CACNA2D2: variants seen among roughly 807,000 people sequenced by gnomAD.
CACNA2D2 encodes voltage-dependent calcium channel subunit alpha-2/delta-2.
A neutral mutation model predicts 166.4 loss-of-function variants in CACNA2D2; 48 were observed. The observed-to-expected ratio is 0.29, with a 90% CI of 0.23 to 0.37. The LOEUF (loss-of-function observed/expected upper bound fraction) is 0.37, where lower values mean the gene tolerates loss of function less well. CACNA2D2 is among the 10% of genes least tolerant of loss of function. The pLI is 1.00. For missense variants in CACNA2D2, 1,122 were observed against 1,433.0 expected, an observed-to-expected ratio of 0.78 and a Z score of 3.50; for synonymous variants, 561 against 573.7, an observed-to-expected ratio of 0.98 and a Z score of 0.32.
At chr3:50,422,110 T>A (rs763343688) in intron 3 of CACNA2D2, among the ~76,000 whole-genome samples, 3 of 152,000 alleles carry the variant, frequency 2.0e-5, no homozygotes, top group Non-Finnish European at 2.9e-5. Flanking sequence ...GGACCATCCC[T>A]CCCTGGCTGC....
At chr3:50,430,326 C>T (rs1708010228) in intron 3 of CACNA2D2, among the ~76,000 whole-genome samples, 1 of 152,230 alleles carries the variant, frequency 6.6e-6, no homozygotes, top group African/African-American at 2.4e-5. Context: ...CTGGGCAGTA[C>T]CTTCCCTTCC....
At chr3:50,482,434 C>T (rs1225461756) in intron 1 of CACNA2D2, among the ~76,000 whole-genome samples, 1 of 152,236 alleles carries the variant, frequency 6.6e-6, no homozygotes, top group Non-Finnish European at 1.5e-5. Context: ...AGACCTTGAA[C>T]TAGACCTTTC....
At chr3:50,418,176 G>A (rs986062636) in intron 3 of CACNA2D2, among the ~76,000 whole-genome samples, 4 of 152,168 alleles carry the variant, frequency 2.6e-5, no homozygotes, top group Non-Finnish European at 5.9e-5. Flanking sequence ...GCCATCTGCA[G>A]AGCCGCAGAA....
At chr3:50,433,285 T>C (rs144577462) in intron 3 of CACNA2D2, among the ~76,000 whole-genome samples, 24 of 152,328 alleles carry the variant, frequency 1.6e-4, no homozygotes, top group Admixed American at 6.5e-4. Flanking sequence ...CTTCTTTCAC[T>C]TAGCATAATG....
chr3:50,484,489 C>CT (rs1366528669), intron 1 of CACNA2D2, among the ~76,000 whole-genome samples: 2 of 152,170 alleles, frequency 1.3e-5, no homozygotes, highest in African/African-American at 4.8e-5. Flanking sequence ...CCTCACCCCT[C>CT]GGTGTGGCCT....
chr3:50,476,046 C>T (rs1710294498), intron 2 of CACNA2D2, 72 bp downstream of exon 2: 4 of 1,341,994 alleles, frequency 3.0e-6, no homozygotes, highest in Admixed American at 2.0e-5. Context: ...TTCCTCACTC[C>T]TTATTTCTGA....
At position 50,489,469 on chromosome 3, in the gene CACNA2D2, G is replaced by A. The variant is rs936074081; in HGVS notation, c.207-13270C>T. Among the ~76,000 whole-genome samples the A allele has an allele frequency of 2.6e-5, 4 of 152,346 alleles. No homozygotes were observed. In the East Asian group the frequency reaches 5.8e-4, roughly 22 times the overall value. On this transcript the variant is annotated intron_variant, in intron 1 of 37. Coordinates refer to ENST00000424201, the MANE Select transcript of CACNA2D2 (RefSeq NM_006030.4). Reference sequence around the variant, plus strand: ...AGCTGTTCTGTGCCAGGGAAGATGGGGCTATGGGGCGCCAGACAGGCAGGG... The same window carrying A: ...AGCTGTTCTGTGCCAGGGAAGATGGAGCTATGGGGCGCCAGACAGGCAGGG...
rs780364290 is a variant in CACNA2D2, at chr3:50,367,459, T to C, written c.2336A>G (p.Asn779Ser). 1.9e-6 allele frequency: 3 copies of C among 1,613,742 alleles called. No homozygotes were observed. Among genetic ancestry groups the C allele is most frequent in the African/African-American group, 1.3e-5 (1 of 74,900 alleles). ...CAGGCTGCGGCGGTAGAAGCTGGCA[T>C]TGAAGGGCTCAGGGTTCTCTGTCCA... ...EDWTENPEPF[N>S]ASFYRRSLDN... The change falls in exon 27 of 38, where the codon AAT (asparagine) becomes AGT (serine). Residue 779 changes from asparagine to serine, a missense_variant. Transcript: ENST00000424201. The surrounding 1 kb of genome is among the most constrained non-coding windows in gnomAD (Gnocchi z 6.5).
Position 50,384,214 on chromosome 3 carries a change from T to C in CACNA2D2, c.634A>G (p.Thr212Ala). Reference protein sequence around the residue: ...NYSYAAVQIPTDIYKGSTVIL... With the variant: ...NYSYAAVQIPADIYKGSTVIL... ...CACTCACAGCCTTTGTAGATGTCCG[T>C]AGGGATCTGTACAGCCGCGTATGAA... The change falls in exon 6 of 38, where the codon ACG becomes GCG. Residue 212 changes from threonine to alanine, a missense_variant. Transcript: ENST00000424201. 2 of 1,614,082 alleles carry C rather than the reference T, an allele frequency of 1.2e-6. No individual in the cohort carries two copies. Among genetic ancestry groups the C allele is most frequent in the Non-Finnish European group, 1.7e-6 (2 of 1,179,962 alleles).
chr3:50,424,721 C>T (rs1403673710), intron 3 of CACNA2D2, among the ~76,000 whole-genome samples: 1 of 152,202 alleles, frequency 6.6e-6, no homozygotes, highest in Non-Finnish European at 1.5e-5. Flanking sequence ...GCTCAGTAAA[C>T]AGAAGCTGAA....
At chr3:50,485,563 C>A (rs902884622) in intron 1 of CACNA2D2, among the ~76,000 whole-genome samples, 1 of 152,220 alleles carries the variant, frequency 6.6e-6, no homozygotes, top group South Asian at 2.1e-4. Context: ...GGATTCGGGG[C>A]CCATGGGGGC....
intron 2 of CACNA2D2, among the ~76,000 whole-genome samples, chr3:50,437,263 C>A (rs1024270198): frequency 2.6e-5 from 4 of 152,218 alleles, no homozygotes; most frequent in African/African-American, 9.7e-5. Flanking sequence ...CTGTCATGTG[C>A]CTGCAGGCCT....
In CACNA2D2 at chr3:50,379,645, T is replaced by C. The variant is rs1705195384; in HGVS notation, c.994-55A>G. The stretch of plus-strand genomic sequence containing the variant: ...TCAGGCTGGCCGGGGTAGGCAGCTA[T>C]TGCATGGGGCTGGTGATGGTCACAG... On this transcript the variant is annotated intron_variant, in intron 10 of 37. Transcript: ENST00000424201. This position sits in a 1 kb window ranked among gnomAD's most constrained non-coding sequence, Gnocchi z 6.5. 3 of 1,612,028 alleles carry C rather than the reference T, an allele frequency of 1.9e-6. No homozygotes were observed. The highest frequency in any genetic ancestry group is 1.7e-5 in the Admixed American group (1 of 59,972).
At chr3:50,490,132 C>T (rs896921142) in intron 1 of CACNA2D2, among the ~76,000 whole-genome samples, 6 of 152,212 alleles carry the variant, frequency 3.9e-5, no homozygotes, top group Admixed American at 2.0e-4. Flanking sequence ...TGCAGAGGAG[C>T]GGTTTGGAAG....
chr3:50,447,735 C>T (rs942360195), intron 2 of CACNA2D2, among the ~76,000 whole-genome samples: 3 of 152,100 alleles, frequency 2.0e-5, no homozygotes, highest in Non-Finnish European at 4.4e-5. Context: ...CCTGCCTGCA[C>T]CCTGAGCTGG....
chr3:50,473,912 G>A (rs1257211240), intron 2 of CACNA2D2, among the ~76,000 whole-genome samples: 2 of 152,204 alleles, frequency 1.3e-5, no homozygotes, highest in Non-Finnish European at 2.9e-5. Flanking sequence ...CTGGAGCGCT[G>A]GCAGCCATCG....
intron 2 of CACNA2D2, among the ~76,000 whole-genome samples, chr3:50,460,249 T>C (rs190875088): frequency 2.0e-5 from 3 of 152,308 alleles, no homozygotes; most frequent in Non-Finnish European, 4.4e-5. Flanking sequence ...CAAAAACTGG[T>C]AAAATCCAAA....
intron 1 of CACNA2D2, among the ~76,000 whole-genome samples, chr3:50,480,050 G>A (rs540207869): frequency 1.3e-5 from 2 of 152,134 alleles, no homozygotes; most frequent in Non-Finnish European, 2.9e-5. Context: ...ATCAAGTCAC[G>A]TCCTCCAATG....
Position 50,366,470 on chromosome 3 carries a change from G to T in CACNA2D2, c.2637+108C>A. The T allele has an allele frequency of 6.8e-7, 1 of 1,467,876 alleles. No homozygotes were observed. Among genetic ancestry groups the T allele is most frequent in the Non-Finnish European group, 9.5e-7 (1 of 1,047,724 alleles). The allele number at this position is 1,467,876 out of a possible 1,614,324, so 90.9% of individuals were successfully genotyped here. On this transcript the variant is annotated intron_variant, in intron 30 of 37. Coordinates refer to ENST00000424201, the MANE Select transcript of CACNA2D2 (RefSeq NM_006030.4). The surrounding 1 kb of genome is among the most constrained non-coding windows in gnomAD (Gnocchi z 5.9). ...TGGGAAGGCTGTGAAGTCAGGGTGG[G>T]GATGTTGAGACCCACAGGCCAAGGG...
Sources: gnomAD v4.1 joint callset for allele counts (sites outside exome capture counted in the v4.1 genomes callset) on GRCh38, gnomAD v4.1.1 for gene constraint, Gnocchi (gnomAD v3.1) non-coding constraint, MANE v1.5 for transcripts, NCBI Gene and HGNC (gene_info 2026-07-23, HGNC 2026-07-21) for gene names.